Variants in XPR1 observed in about 807,000 individuals in gnomAD.
The protein encoded by XPR1 is solute carrier family 53 member 1.
In XPR1, 28 loss-of-function variants were observed where a neutral mutation model predicts 87.5. The observed-to-expected ratio is 0.32, with a 90% CI of 0.24 to 0.44. The LOEUF (loss-of-function observed/expected upper bound fraction) is 0.44, where lower values mean the gene tolerates loss of function less well. XPR1 is among the 20% of genes least tolerant of loss of function. XPR1 has a pLI of 1.00. For synonymous variants in XPR1, 300 were observed against 306.1 expected (o/e 0.98, Z 0.21); for missense variants, 559 against 862.3 (o/e 0.65, Z 4.41).
At chr1:180,836,762 T>G in intron 11 of XPR1, 46 bp downstream of exon 11, 1 of 1,594,034 alleles carries the variant, frequency 6.3e-7, no homozygotes, top group Non-Finnish European at 8.6e-7. Context: ...ACCTGGATTT[T>G]TACTACCTGA....
chr1:180,802,724 C>A (rs1337877225), intron 3 of XPR1, among the ~76,000 whole-genome samples: 1 of 152,176 alleles, frequency 6.6e-6, no homozygotes, highest in Non-Finnish European at 1.5e-5. Flanking sequence ...AATCTACTTT[C>A]TTTCTGTGTG....
At chr1:180,665,710 C>G (rs1655933786) in intron 1 of XPR1, among the ~76,000 whole-genome samples, 1 of 152,124 alleles carries the variant, frequency 6.6e-6, no homozygotes, top group Non-Finnish European at 1.5e-5. Context: ...CTCTCTGTGC[C>G]ACACAGCTGG....
At chr1:180,748,343 A>G (rs773668089) in intron 2 of XPR1, among the ~76,000 whole-genome samples, 32 of 151,336 alleles carry the variant, frequency 2.1e-4, no homozygotes, top group South Asian at 6.3e-4. Context: ...AGCAAAGTCA[A>G]TAAATGCTCA....
chr1:180,828,840 C>T, intron 9 of XPR1, among the ~76,000 whole-genome samples: 1 of 152,062 alleles, frequency 6.6e-6, no homozygotes, highest in East Asian at 1.9e-4. Context: ...ACACTTAGCC[C>T]TATTAGTCAC....
intron 7 of XPR1, among the ~76,000 whole-genome samples, chr1:180,812,351 A>G (rs1650247899): frequency 6.6e-6 from 1 of 151,954 alleles, no homozygotes; most frequent in Non-Finnish European, 1.5e-5. Context: ...TATGCTAATG[A>G]CTCCCAAATA....
At chr1:180,818,577 T>C (rs964162317) in intron 7 of XPR1, among the ~76,000 whole-genome samples, 2 of 152,200 alleles carry the variant, frequency 1.3e-5, no homozygotes, top group Non-Finnish European at 2.9e-5. Flanking sequence ...CCAAAATAAA[T>C]GCTTAATGAT....
At chr1:180,829,365 G>C (rs1408515635) in intron 9 of XPR1, among the ~76,000 whole-genome samples, 1 of 152,162 alleles carries the variant, frequency 6.6e-6, no homozygotes, top group Non-Finnish European at 1.5e-5. Context: ...CAGGGTAGAA[G>C]TGGAGAAGTT....
chr1:180,826,998 A>G (rs1650871136), intron 9 of XPR1, among the ~76,000 whole-genome samples: 1 of 151,804 alleles, frequency 6.6e-6, no homozygotes, highest in South Asian at 2.1e-4. Context: ...TACCAAAAAT[A>G]TAAAAATTAG....
chr1:180,877,185 T>A (rs1414175365), intron 13 of XPR1, among the ~76,000 whole-genome samples: 2 of 152,148 alleles, frequency 1.3e-5, no homozygotes, highest in Non-Finnish European at 2.9e-5. Context: ...AAGCCAGTTC[T>A]GTAATTTATA....
chr1:180,727,783 G>A (rs1425148635), intron 2 of XPR1, among the ~76,000 whole-genome samples: 1 of 152,182 alleles, frequency 6.6e-6, no homozygotes, highest in Non-Finnish European at 1.5e-5. Context: ...GCTAAACAAG[G>A]GGTGGATTAT....
rs553216392 is a variant in XPR1, at chr1:180,731,407, G to GA, written c.121+49002dup. On this transcript the variant is annotated intron_variant, in intron 2 of 14. Coordinates refer to ENST00000367590, the MANE Select transcript of XPR1 (RefSeq NM_004736.4). ...TAAAACAAGGGGTTTATATAGCAGG[G>GA]AAAAAATGTAACAATATGTAAGAAA... 3.1e-4 allele frequency among the ~76,000 whole-genome samples: 47 copies of GA among 152,224 alleles called. 1 individual carries two copies. The South Asian group carries it at 8.7e-3, about 28-fold the overall frequency.
intron 12 of XPR1, among the ~76,000 whole-genome samples, chr1:180,873,245 A>T (rs1421994013): frequency 6.6e-6 from 1 of 152,224 alleles, no homozygotes; most frequent in Non-Finnish European, 1.5e-5. Context: ...TGCAAGTATT[A>T]CTTGAGCACC....
intron 7 of XPR1, among the ~76,000 whole-genome samples, chr1:180,824,024 T>G (rs1451705117): frequency 6.6e-6 from 1 of 152,230 alleles, no homozygotes; most frequent in African/African-American, 2.4e-5. Flanking sequence ...TCATGGCAAC[T>G]CTGTGAGGTA....
chr1:180,806,688 G>T, intron 6 of XPR1, 131 bp downstream of exon 6: 1 of 668,572 alleles, frequency 1.5e-6, no homozygotes, highest in South Asian at 2.8e-5. Flanking sequence ...TCTTATTTTA[G>T]TTTTTTAAAC....
chr1:180,852,338 A>G (rs556265913), intron 11 of XPR1, among the ~76,000 whole-genome samples: 3 of 152,322 alleles, frequency 2.0e-5, no homozygotes, highest in Non-Finnish European at 4.4e-5. Context: ...ATAGTATAAT[A>G]TCACAGCCAG....
intron 1 of XPR1, 55 bp from the exon 2 acceptor site, chr1:180,682,305 T>C (rs1656602741): frequency 3.6e-6 from 5 of 1,395,180 alleles, no homozygotes; most frequent in Non-Finnish European, 4.9e-6. Context: ...TTCAGATACA[T>C]TCAGTATAAA....
chr1:180,704,199 T>C (rs1046835036), intron 2 of XPR1, among the ~76,000 whole-genome samples: 1 of 142,114 alleles, frequency 7.0e-6, no homozygotes, highest in Non-Finnish European at 1.5e-5. Flanking sequence ...ATTCTGACTA[T>C]ATATAATGTG....
chr1:180,787,644 A>G (rs1486078967), intron 2 of XPR1, 109 bp from the exon 3 acceptor site: 1 of 746,664 alleles, frequency 1.3e-6, no homozygotes, highest in East Asian at 2.7e-5. Flanking sequence ...AGAAATACAT[A>G]TAAAGTTGTC....
chr1:180,843,450 G>T (rs12067934), intron 11 of XPR1, among the ~76,000 whole-genome samples: 6,554 of 152,038 alleles, frequency 0.043, 507 homozygotes, highest in African/African-American at 0.15. Context: ...CAAATTATTT[G>T]GGAATTTATC....
Sources: allele counts gnomAD v4.1 joint callset (sites outside exome capture counted in the v4.1 genomes callset), GRCh38; gene constraint gnomAD v4.1.1; transcripts MANE v1.5; gene names NCBI Gene and HGNC (gene_info 2026-07-23, HGNC 2026-07-21).